Variants in NAV1 observed in about 807,000 individuals in gnomAD.
NAV1 encodes neuron navigator 1.
A neutral mutation model predicts 175.2 loss-of-function variants in NAV1; 18 were observed. That is an observed-to-expected ratio of 0.10 (90% CI 0.07 to 0.15). The LOEUF is 0.15. Among genes scored for constraint, NAV1 ranks in the 10% least tolerant of loss-of-function variants. The pLI is 1.00. For missense variants in NAV1, 1,731 were observed against 2,436.6 expected, an observed-to-expected ratio of 0.71 and a Z score of 6.10; for synonymous variants, 897 against 978.7, an observed-to-expected ratio of 0.92 and a Z score of 1.56.
exon 1 of NAV1, chr1:201,623,439 C>A: frequency 1.0e-6 from 1 of 985,968 alleles, no homozygotes; most frequent in Non-Finnish European, 1.2e-6. Flanking sequence ...GTTCTGGGAC[C>A]CCCAGGTCTT....
intron 1 of NAV1, among the ~76,000 whole-genome samples, chr1:201,624,404 T>A (rs1350336449): frequency 2.1e-5 from 3 of 140,772 alleles, no homozygotes; most frequent in Admixed American, 7.7e-5. Context: ...AGTACAGTGG[T>A]GCGATCTCGG....
intron 1 of NAV1, among the ~76,000 whole-genome samples, chr1:201,540,755 C>G (rs1170592176): frequency 5.3e-5 from 8 of 152,206 alleles, no homozygotes; most frequent in Admixed American, 5.2e-4. Context: ...CTTTCACCAT[C>G]AGTTTTTAGG....
chr1:201,610,875 A>G (rs1667824376), intron 2 of NAV1, among the ~76,000 whole-genome samples: 1 of 152,210 alleles, frequency 6.6e-6, no homozygotes, highest in Non-Finnish European at 1.5e-5. Context: ...ACACATTGCC[A>G]TCTGGCCAGA....
chr1:201,723,539 G>A (rs1281360260), intron 3 of NAV1: 1 of 152,086 alleles, frequency 6.6e-6, no homozygotes, highest in African/African-American at 2.4e-5. Context: ...TTTCCCCTAC[G>A]TTTTCTTCTG....
chr1:201,662,221 G>A (rs1033612964), intron 1 of NAV1, among the ~76,000 whole-genome samples: 6 of 152,020 alleles, frequency 3.9e-5, no homozygotes, highest in South Asian at 4.1e-4. Flanking sequence ...CCACTCTGAC[G>A]TTTCCTATAA....
intron 10 of NAV1, among the ~76,000 whole-genome samples, chr1:201,789,416 C>T (rs1258628609): frequency 6.6e-6 from 1 of 152,146 alleles, no homozygotes; most frequent in African/African-American, 2.4e-5. Flanking sequence ...GGCTAAGGTG[C>T]TTTCCTGACT....
rs1385154594 is a variant in NAV1 at position 201,744,319 on chromosome 1, T to TG, written c.1226+25564_1226+25565insG. On this transcript the variant is annotated intron_variant, in intron 3 of 29. Coordinates refer to ENST00000367296, the Ensembl canonical transcript of NAV1. ...TGACGGCTATGTATGTATGTATGTA[T>TG]TTATTTATTTATTTATTTATTTATT... 4.5e-3 allele frequency among the ~76,000 whole-genome samples: 589 copies of TG among 131,632 alleles called. 2 individuals carry two copies. The highest frequency in any genetic ancestry group is 0.017 in the African/African-American group (567 of 34,160). 86.4% of individuals were successfully genotyped at this position (131,632 alleles called of 152,430 possible). A position where few individuals can be genotyped will look rare whatever the true frequency, so the allele number is the denominator to read the frequency against.
intron 3 of NAV1, among the ~76,000 whole-genome samples, chr1:201,760,722 A>C (rs115952889): frequency 0.017 from 2,661 of 152,324 alleles, 45 homozygotes; most frequent in Middle Eastern, 0.082. Context: ...GTTATGGTGA[A>C]TCTGTGGATT....
chr1:201,563,419 G>A (rs74583669), intron 1 of NAV1, among the ~76,000 whole-genome samples: 1 of 151,806 alleles, frequency 6.6e-6, no homozygotes, highest in East Asian at 1.9e-4. Context: ...CCAGAGAAAA[G>A]CATACGAGAC....
chr1:201,564,781 C>G (rs555444833), intron 1 of NAV1, among the ~76,000 whole-genome samples: 1 of 152,344 alleles, frequency 6.6e-6, no homozygotes, highest in African/African-American at 2.4e-5. Flanking sequence ...GGGCTGTGTT[C>G]CTACCTGGAG....
rs776812520 is a variant in NAV1 at position 201,783,867 on chromosome 1, C to G, written c.2804+15C>G. ...CAACTGGACAGGTAGGTAGAAAAGACAGCAGAACCTCGGCCTGTCTCCGTG... is the reference window on the plus strand; with the variant it reads ...CAACTGGACAGGTAGGTAGAAAAGAGAGCAGAACCTCGGCCTGTCTCCGTG... On this transcript the variant is annotated intron_variant, in intron 7 of 29. Coordinates refer to ENST00000367296, the Ensembl canonical transcript of NAV1. The G allele has an allele frequency of 2.5e-6, 4 of 1,590,120 alleles. No individual in the cohort carries two copies. In the East Asian group the frequency reaches 9.0e-5, roughly 36 times the overall value.
At chr1:201,597,726 G>T (rs2102225688) in intron 2 of NAV1, among the ~76,000 whole-genome samples, 1 of 152,358 alleles carries the variant, frequency 6.6e-6, no homozygotes, top group South Asian at 2.1e-4. Flanking sequence ...CAGCCCCCAT[G>T]CTCCACCTGC....
At chr1:201,611,548 C>A (rs1013687891) in intron 2 of NAV1, among the ~76,000 whole-genome samples, 3 of 152,198 alleles carry the variant, frequency 2.0e-5, no homozygotes, top group Admixed American at 6.5e-5. Flanking sequence ...GTGGGGGAGT[C>A]ACCCCAGGCT....
At chr1:201,668,982 C>A (rs564929322) in intron 1 of NAV1, among the ~76,000 whole-genome samples, 2 of 152,088 alleles carry the variant, frequency 1.3e-5, no homozygotes, top group Non-Finnish European at 2.9e-5. Context: ...TGACCAATGG[C>A]CTAAGCGTGG....
chr1:201,666,146 G>A (rs1358647328), intron 1 of NAV1, among the ~76,000 whole-genome samples: 2 of 151,940 alleles, frequency 1.3e-5, no homozygotes, highest in Non-Finnish European at 2.9e-5. Flanking sequence ...CGCTCTAATC[G>A]CTCCTTCCCC....
chr1:201,660,574 T>G (rs2102354663), intron 1 of NAV1, among the ~76,000 whole-genome samples: 2 of 152,276 alleles, frequency 1.3e-5, no homozygotes, highest in South Asian at 4.2e-4. Context: ...GGCCATGCAC[T>G]CCACAGATAG....
chr1:201,718,453 C>T lies in NAV1; in HGVS notation c.924C>T (p.Ser308=), dbSNP rs75437300. 10 of 1,571,124 alleles carry T rather than the reference C, an allele frequency of 6.4e-6. No individual in the cohort carries two copies. In the East Asian group the frequency reaches 1.8e-4, roughly 28 times the overall value. Residue 308 remains serine (S), a synonymous_variant, in exon 3 of 30, where the codon TCC becomes TCT. Coordinates refer to ENST00000367296, the Ensembl canonical transcript of NAV1. This position sits in a 1 kb window ranked among gnomAD's most constrained non-coding sequence, Gnocchi z 4.8. ...ACCCACGCAGCGTGTCCAGCCTCTC[C>T]AACCGCTCGTCCCCTCTGTCATGGC... is the stretch of plus-strand genomic sequence containing the variant.
Position 201,740,860 on chromosome 1 carries a change from G to C in NAV1, c.1226+22105G>C, listed in dbSNP as rs1361138184. Among the ~76,000 whole-genome samples, 1 of 152,080 alleles carries C rather than the reference G, an allele frequency of 6.6e-6. No homozygotes were observed. The highest frequency in any genetic ancestry group is 2.4e-5 in the African/African-American group (1 of 41,406). ...TGACTTGGAAACTGCACTTCCAAGG[G>C]AGAATTAGGAAATTCCACCGGCCTG... On this transcript the variant is annotated intron_variant, in intron 3 of 29. Transcript: ENST00000367296. This position sits in a 1 kb window ranked among gnomAD's most constrained non-coding sequence, Gnocchi z 4.7.
chr1:201,711,799 T>G (rs1349865892), intron 1 of NAV1, among the ~76,000 whole-genome samples: 1 of 152,222 alleles, frequency 6.6e-6, no homozygotes, highest in Non-Finnish European at 1.5e-5. Flanking sequence ...TATACTGTCC[T>G]TAGGGCCCAG....
Sources: allele counts gnomAD v4.1 joint callset (sites outside exome capture counted in the v4.1 genomes callset), GRCh38; gene constraint gnomAD v4.1.1; non-coding constraint Gnocchi (gnomAD v3.1); transcripts MANE v1.5; gene names NCBI Gene and HGNC (gene_info 2026-07-23, HGNC 2026-07-21).